CEP152: variants seen among roughly 807,000 people sequenced by gnomAD.
CEP152 encodes the protein centrosomal protein 152.
A neutral mutation model predicts 188.9 loss-of-function variants in CEP152; 132 were observed. The ratio of observed to expected loss-of-function variants is 0.70; its 90% confidence interval spans 0.61 to 0.81. The LOEUF (loss-of-function observed/expected upper bound fraction) is 0.81, where lower values mean the gene tolerates loss of function less well. Among genes scored for constraint, CEP152 ranks in the 30% least tolerant of loss-of-function variants. The pLI is 0.00. For missense variants in CEP152, 1,914 were observed against 1,969.8 expected (o/e 0.97, Z 0.54); for synonymous variants, 649 against 666.6 (o/e 0.97, Z 0.41).
At chr15:48,760,400 T>C in intron 18 of CEP152, 134 bp from the exon 19 acceptor site, 1 of 1,019,170 alleles carries the variant, frequency 9.8e-7, no homozygotes, top group Non-Finnish European at 1.5e-6. Context: ...TGACTGCAAG[T>C]ACCCTACCTA....
At chr15:48,791,151 T>C in intron 8 of CEP152, 86 bp downstream of exon 8, 1 of 1,173,540 alleles carries the variant, frequency 8.5e-7, no homozygotes. Flanking sequence ...TTCAAAGTTC[T>C]TCTAAATTTA....
intron 12 of CEP152, among the ~76,000 whole-genome samples, chr15:48,775,560 A>G (rs1169966927): frequency 1.3e-5 from 2 of 152,138 alleles, no homozygotes; most frequent in African/African-American, 4.8e-5. Context: ...AAACAAATAT[A>G]AGGATATTTT....
chr15:48,756,564 T>G lies in CEP152; in HGVS notation c.2695-11A>C. 1 of 1,602,132 alleles carries G rather than the reference T, an allele frequency of 6.2e-7. No individual in the cohort carries two copies. Among genetic ancestry groups the G allele is most frequent in the Non-Finnish European group, 8.5e-7 (1 of 1,179,404 alleles). On this transcript the variant is annotated splice_polypyrimidine_tract_variant and intron_variant, in intron 19 of 26. Transcript: ENST00000380950. ...AACAGCAAATGATATCTAAAGAACA[T>G]AACAACATGCATTTTGAAAGTCTTT...
rs1385417456 is a variant in CEP152 at position 48,738,368 on chromosome 15, T to C, written c.5014A>G (p.Lys1672Glu). 6.2e-7 allele frequency: 1 copy of C among 1,614,206 alleles called. No homozygotes were observed. Among genetic ancestry groups the C allele is most frequent in the African/African-American group, 1.3e-5 (1 of 75,064 alleles). The change falls in exon 27 of 27, where the codon AAA (lysine) becomes GAA (glutamate). Residue 1672 changes from lysine (K) to glutamate (E), a missense_variant. Coordinates refer to ENST00000380950, the MANE Select transcript of CEP152 (RefSeq NM_001194998.2). ...GATGGTAATGTACTGCTCAGTTTTT[T>C]GAAATCTGACTTTAATCTATCAGCC... ...HKADRLKSDFKKLSSTLPSSV... is the reference protein window; with the variant it reads ...HKADRLKSDFEKLSSTLPSSV...
At chr15:48,802,016 G>A (rs141568782) in intron 2 of CEP152, among the ~76,000 whole-genome samples, 1 of 151,552 alleles carries the variant, frequency 6.6e-6, no homozygotes, top group East Asian at 2.0e-4. Context: ...AGAATCGCTT[G>A]AACCCGGGAG....
chr15:48,767,596 C>T, intron 15 of CEP152, 133 bp from the exon 16 acceptor site: 1 of 1,155,874 alleles, frequency 8.7e-7, no homozygotes, highest in Non-Finnish European at 1.3e-6. Flanking sequence ...TTTTCCCCAA[C>T]TGAAAGTGGT....
intron 2 of CEP152, among the ~76,000 whole-genome samples, chr15:48,799,748 A>T (rs1437269341): frequency 1.3e-5 from 2 of 152,190 alleles, no homozygotes; most frequent in Non-Finnish European, 2.9e-5. Context: ...ATATTTGTAC[A>T]AGACATGCCT....
chr15:48,803,108 C>G (rs1311475557), intron 2 of CEP152, among the ~76,000 whole-genome samples: 2 of 152,190 alleles, frequency 1.3e-5, no homozygotes, highest in Non-Finnish European at 2.9e-5. Context: ...AGGCATTCCT[C>G]CCACATCAGC....
At chr15:48,730,957 G>C (rs1315696023) in intron 2 of CEP152, among the ~76,000 whole-genome samples, 1 of 152,150 alleles carries the variant, frequency 6.6e-6, no homozygotes, top group Non-Finnish European at 1.5e-5. Context: ...CGTATGTAAA[G>C]AAACAGAAAG....
chr15:48,746,670 C>T (rs964868165), intron 22 of CEP152, among the ~76,000 whole-genome samples: 5 of 152,120 alleles, frequency 3.3e-5, no homozygotes, highest in South Asian at 2.1e-4. Context: ...CAGTATTTCC[C>T]GAGTTGTGCT....
At chr15:48,770,944 C>T (rs1223098403) in intron 13 of CEP152, among the ~76,000 whole-genome samples, 4 of 135,934 alleles carry the variant, frequency 2.9e-5, no homozygotes, top group Admixed American at 7.3e-5. Context: ...TTCTAATGAA[C>T]ACAACTCCTA....
chr15:48,762,231 T>A (rs968870034), intron 18 of CEP152, among the ~76,000 whole-genome samples, 160 bp downstream of exon 18: 1 of 152,142 alleles, frequency 6.6e-6, no homozygotes, highest in Non-Finnish European at 1.5e-5. Context: ...ACAGAAATAT[T>A]ATGAAGAAAA....
intron 19 of CEP152, 101 bp from the exon 20 acceptor site, chr15:48,756,654 T>A (rs778140819): frequency 7.8e-5 from 81 of 1,035,448 alleles, no homozygotes; most frequent in Non-Finnish European, 1.1e-4. Flanking sequence ...AGCTAGGAAA[T>A]GTAAAATCAA....
intron 23 of CEP152, 79 bp downstream of exon 23, chr15:48,744,817 A>G: frequency 7.4e-7 from 1 of 1,356,208 alleles, no homozygotes; most frequent in East Asian, 2.5e-5. Context: ...ATAACAAAAA[A>G]AATTGATACT....
At chr15:48,752,168 G>A (rs1893919585) in intron 21 of CEP152, among the ~76,000 whole-genome samples, 181 bp downstream of exon 21, 1 of 152,132 alleles carries the variant, frequency 6.6e-6, no homozygotes, top group South Asian at 2.1e-4. Context: ...ATAAATAGAA[G>A]AAGAGGGCCT....
downstream of CEP152, among the ~76,000 whole-genome samples, chr15:48,733,418 C>T (rs1169617190): frequency 2.0e-5 from 3 of 152,232 alleles, no homozygotes; most frequent in Admixed American, 2.0e-4. Flanking sequence ...ATAGGCTAAA[C>T]AGCAGAATTG....
chr15:48,741,376 C>T (rs1035226663), intron 26 of CEP152: 47 of 1,366,246 alleles, frequency 3.4e-5, no homozygotes, highest in African/African-American at 1.8e-4. Flanking sequence ...TCTATCATTT[C>T]GAGGGATGGA....
At chr15:48,744,203 C>T in intron 24 of CEP152, 37 bp downstream of exon 24, 1 of 1,609,858 alleles carries the variant, frequency 6.2e-7, no homozygotes. Context: ...ATAAAAAAGG[C>T]CCAAGCCATC....
intron 17 of CEP152, 88 bp from the exon 18 acceptor site, chr15:48,762,760 G>T: frequency 7.5e-7 from 1 of 1,329,412 alleles, no homozygotes; most frequent in Non-Finnish European, 1.1e-6. Context: ...AGCAACCACA[G>T]CTGTGTTTGA....
Sources: gnomAD v4.1 joint callset for allele counts (sites outside exome capture counted in the v4.1 genomes callset) on GRCh38, gnomAD v4.1.1 for gene constraint, MANE v1.5 for transcripts, NCBI Gene and HGNC (gene_info 2026-07-23, HGNC 2026-07-21) for gene names.